CENPP: variants seen among roughly 807,000 people sequenced by gnomAD.
CENPP encodes centromere protein P.
CENPP carries 24 observed loss-of-function variants against 35.6 expected under a neutral mutation model. The ratio of observed to expected loss-of-function variants is 0.67; its 90% confidence interval spans 0.49 to 0.95. CENPP has a LOEUF of 0.95. Ranked by LOEUF, CENPP falls within the 40% of genes least tolerant of loss-of-function variation. The probability of loss-of-function intolerance (pLI) is 0.00; values close to 1 mark genes in which losing one functional copy is unlikely to be tolerated. For synonymous variants in CENPP, 120 were observed against 125.5 expected, an observed-to-expected ratio of 0.96 and a Z score of 0.29; for missense variants, 332 against 345.3, an observed-to-expected ratio of 0.96 and a Z score of 0.31.
chr9:92,386,288 A>G, intron 5 of CENPP: 1 of 1,612,280 alleles, frequency 6.2e-7, no homozygotes, highest in Non-Finnish European at 8.5e-7. Flanking sequence ...AGGTGAGGTT[A>G]TTCAGTTTCT....
chr9:92,450,406 C>A (rs1193144571), intron 5 of CENPP, among the ~76,000 whole-genome samples: 1 of 151,956 alleles, frequency 6.6e-6, no homozygotes, highest in African/African-American at 2.4e-5. Flanking sequence ...TCATCCATGT[C>A]CCTACAAAGG....
At chr9:92,517,640 T>C (rs1847809270) in intron 5 of CENPP, 1 of 1,606,368 alleles carries the variant, frequency 6.2e-7, no homozygotes, top group South Asian at 1.1e-5. Flanking sequence ...AAATGGAAGT[T>C]AAAGATTAAT....
intron 5 of CENPP, among the ~76,000 whole-genome samples, chr9:92,410,952 C>T (rs1187521718): frequency 2.0e-5 from 3 of 152,120 alleles, no homozygotes; most frequent in Non-Finnish European, 4.4e-5. Context: ...AGGCTTTATA[C>T]CCACATAGCT....
At chr9:92,491,259 C>G (rs1225479349) in intron 5 of CENPP, among the ~76,000 whole-genome samples, 1 of 152,106 alleles carries the variant, frequency 6.6e-6, no homozygotes, top group Non-Finnish European at 1.5e-5. Context: ...ACAGACCTAC[C>G]TAATAATACC....
intron 6 of CENPP, among the ~76,000 whole-genome samples, chr9:92,611,852 G>T (rs1181042205): frequency 6.6e-6 from 1 of 152,242 alleles, no homozygotes; most frequent in Non-Finnish European, 1.5e-5. Context: ...CCTTGGCTGT[G>T]CATGTGTGGA....
intron 3 of CENPP, chr9:92,340,127 T>C (rs1362337008): frequency 6.5e-6 from 1 of 153,684 alleles, no homozygotes; most frequent in African/African-American, 2.4e-5. Flanking sequence ...GCAGGCTTTT[T>C]CTACTGTAAG....
In CENPP at chr9:92,361,440, C is replaced by CTTATTTTATTTTATT. The variant is rs200322873; in HGVS notation, c.467+15696_467+15710dup. 5.2e-3 allele frequency among the ~76,000 whole-genome samples: 577 copies of CTTATTTTATTTTATT among 111,742 alleles called. 5 individuals are homozygous for CTTATTTTATTTTATT. The highest frequency in any genetic ancestry group is 7.8e-3 in the Admixed American group (81 of 10,396). 73.3% of individuals were successfully genotyped at this position (111,742 alleles called of 152,430 possible). A position where few individuals can be genotyped will look rare whatever the true frequency, so the allele number is the denominator to read the frequency against. ...ACAGGCATGAGCCACCGTACCTGGC[C>CTTATTTTATTTTATT]TTATTTTATTTTATTTTATTTTATT... On this transcript the variant is annotated intron_variant, in intron 4 of 7. Coordinates refer to ENST00000375587, the MANE Select transcript of CENPP (RefSeq NM_001012267.3).
chr9:92,371,731 T>C (rs914243170), intron 4 of CENPP, among the ~76,000 whole-genome samples: 6 of 152,144 alleles, frequency 3.9e-5, no homozygotes, highest in African/African-American at 1.4e-4. Flanking sequence ...TATTGCAATC[T>C]AGTTCTCTCT....
chr9:92,571,408 C>T (rs1222345821), intron 5 of CENPP, among the ~76,000 whole-genome samples: 22 of 152,164 alleles, frequency 1.4e-4, no homozygotes. Flanking sequence ...GTTTCTTAAT[C>T]CTGAGTTCTA....
intron 5 of CENPP, among the ~76,000 whole-genome samples, chr9:92,508,934 T>G (rs982316805): frequency 1.5e-4 from 23 of 151,936 alleles, no homozygotes; most frequent in African/African-American, 5.3e-4. Flanking sequence ...TATGCTAGAC[T>G]ATTAGGAAGA....
At chr9:92,569,101 A>C (rs1476012270) in intron 5 of CENPP, among the ~76,000 whole-genome samples, 1 of 152,056 alleles carries the variant, frequency 6.6e-6, no homozygotes, top group African/African-American at 2.4e-5. Flanking sequence ...CCCATTTGTC[A>C]ATTTTGGCTT....
At chr9:92,556,877 T>G (rs1229109442) in intron 5 of CENPP, among the ~76,000 whole-genome samples, 1 of 152,208 alleles carries the variant, frequency 6.6e-6, no homozygotes, top group Non-Finnish European at 1.5e-5. Flanking sequence ...TGTGGGTTTT[T>G]TTGTTTTTTG....
intron 5 of CENPP, among the ~76,000 whole-genome samples, chr9:92,436,184 CTTAT>C (rs1844241683): frequency 6.6e-6 from 1 of 152,126 alleles, no homozygotes; most frequent in African/African-American, 2.4e-5. Flanking sequence ...TTTTCATGTG[CTTAT>C]TTGCTATCTG....
At chr9:92,420,734 G>A (rs1488793020) in intron 5 of CENPP, among the ~76,000 whole-genome samples, 4 of 151,778 alleles carry the variant, frequency 2.6e-5, no homozygotes, top group African/African-American at 9.7e-5. Flanking sequence ...TGCCAAAATA[G>A]CAATGGTTTG....
chr9:92,445,597 T>C (rs114870964), intron 5 of CENPP, among the ~76,000 whole-genome samples: 5,387 of 152,270 alleles, frequency 0.035, 132 homozygotes, highest in Middle Eastern at 0.075. Context: ...AATAAAGCTG[T>C]TATTGGCCGG....
chr9:92,584,477 T>C (rs1850498168), intron 5 of CENPP, among the ~76,000 whole-genome samples: 1 of 152,118 alleles, frequency 6.6e-6, no homozygotes, highest in African/African-American at 2.4e-5. Context: ...GCTTTCAGAG[T>C]AGCTAGGACT....
chr9:92,571,045 AT>A (rs1288326225), intron 5 of CENPP, among the ~76,000 whole-genome samples: 1 of 151,692 alleles, frequency 6.6e-6, no homozygotes, highest in Admixed American at 6.6e-5. Flanking sequence ...GGATTCATTG[AT>A]TTTTTTGAAG....
chr9:92,502,848 C>T (rs1401731877), intron 5 of CENPP, among the ~76,000 whole-genome samples: 7 of 143,288 alleles, frequency 4.9e-5, no homozygotes, highest in Admixed American at 2.2e-4. Context: ...CACTTTGTTA[C>T]GCAGGATGGA....
intron 5 of CENPP, among the ~76,000 whole-genome samples, chr9:92,572,510 C>G (rs1850169103): frequency 6.6e-6 from 1 of 152,188 alleles, no homozygotes; most frequent in Admixed American, 6.5e-5. Flanking sequence ...TTCTCTCTGG[C>G]TGCTCTTAAC....
Sources: gnomAD v4.1 joint callset for allele counts (sites outside exome capture counted in the v4.1 genomes callset) on GRCh38, gnomAD v4.1.1 for gene constraint, MANE v1.5 for transcripts, NCBI Gene and HGNC (gene_info 2026-07-23, HGNC 2026-07-21) for gene names.